IQCH: variants seen among roughly 807,000 people sequenced by gnomAD.
The protein encoded by IQCH is IQ motif containing H, also known as IQ domain-containing protein H.
In IQCH, 98 loss-of-function variants were observed where a neutral mutation model predicts 117.0. The observed-to-expected ratio is 0.84, with a 90% CI of 0.71 to 0.99. The LOEUF (loss-of-function observed/expected upper bound fraction) is 0.99, where lower values mean the gene tolerates loss of function less well. IQCH is among the 50% of genes least tolerant of loss of function. IQCH has a pLI of 0.00. For missense variants in IQCH, 1,102 were observed against 1,243.8 expected, an observed-to-expected ratio of 0.89 and a Z score of 1.72; for synonymous variants, 412 against 448.2, an observed-to-expected ratio of 0.92 and a Z score of 1.02.
In IQCH at chr15:67,372,210, T is replaced by G. The variant is rs779122169; in HGVS notation, c.853T>G (p.Leu285Val). The G allele has an allele frequency of 1.2e-6, 2 of 1,614,108 alleles. No individual in the cohort carries two copies. The highest frequency in any genetic ancestry group is 1.7e-6 in the Non-Finnish European group (2 of 1,179,994). ...CATAGACAATACAGCCCCAGACTTC[T>G]TAGCATTCAAGGAACATTTTAGCTT... ...GVIDNTAPDFLAFKEHFSLAW... is the reference protein window; with the variant it reads ...GVIDNTAPDFVAFKEHFSLAW... Residue 285 changes from leucine (L) to valine (V), a missense_variant, in exon 9 of 21, where the codon TTA becomes GTA. Physicochemically the swap from Leu to Val is conservative, Grantham distance 32. This residue lies in a region of IQCH where 452 missense variants were observed against 449.6 expected (regional missense o/e 1.01). Transcript: ENST00000335894.
chr15:67,402,520 C>G (rs1971704553), intron 14 of IQCH, among the ~76,000 whole-genome samples: 1 of 152,180 alleles, frequency 6.6e-6, no homozygotes, highest in African/African-American at 2.4e-5. Context: ...CAAAGCATTA[C>G]TTTACGAGCA....
Position 67,430,885 on chromosome 15 carries a change from G to GACA in IQCH, c.2505+9311_2505+9313dup, listed in dbSNP as rs1311270230. Among the ~76,000 whole-genome samples the GACA allele has an allele frequency of 6.6e-6, 1 of 152,206 alleles. No individual in the cohort carries two copies. Among genetic ancestry groups the GACA allele is most frequent in the Non-Finnish European group, 1.5e-5 (1 of 68,042 alleles). ...ATGAGTAGCAAGGAAAGGCTTAAGT[G>GACA]ACAACTACGTAGAACAATAAAAGAG... On this transcript the variant is annotated intron_variant, in intron 16 of 20. Transcript: ENST00000335894. The surrounding 1 kb of genome is among the most constrained non-coding windows in gnomAD (Gnocchi z 5.1).
In IQCH at chr15:67,376,262, G is replaced by A. The variant is rs1970735275; in HGVS notation, c.1372+2829G>A. On this transcript the variant is annotated intron_variant, in intron 10 of 20. Coordinates refer to ENST00000335894, the MANE Select transcript of IQCH (RefSeq NM_001031715.3). The surrounding 1 kb of genome is among the most constrained non-coding windows in gnomAD (Gnocchi z 5.0). ...GAGTCCTTAAAGAAGATTTCAGCTA[G>A]ATGCCACAAACTTCTTTGTCTCATG... 6.6e-6 allele frequency among the ~76,000 whole-genome samples: 1 copy of A among 152,168 alleles called. No homozygotes were observed. The highest frequency in any genetic ancestry group is 1.5e-5 in the Non-Finnish European group (1 of 68,020).
chr15:67,331,114 A>G (rs1285886789), intron 4 of IQCH, among the ~76,000 whole-genome samples: 1 of 152,158 alleles, frequency 6.6e-6, no homozygotes, highest in Non-Finnish European at 1.5e-5. Context: ...AAGAAATGAT[A>G]TGGTCACTAT....
chr15:67,448,267 A>C (rs1567197459), intron 16 of IQCH, among the ~76,000 whole-genome samples: 1 of 151,968 alleles, frequency 6.6e-6, no homozygotes, highest in Non-Finnish European at 1.5e-5. Context: ...GTACATGTGC[A>C]CAACATGCAG....
At chr15:67,306,246 C>T (rs956464648) in intron 4 of IQCH, among the ~76,000 whole-genome samples, 2 of 152,000 alleles carry the variant, frequency 1.3e-5, no homozygotes, top group African/African-American at 4.8e-5. Context: ...TGGTTTTAAA[C>T]AGTCATATAA....
At chr15:67,306,555 GA>G (rs1967304874) in intron 4 of IQCH, among the ~76,000 whole-genome samples, 1 of 152,078 alleles carries the variant, frequency 6.6e-6, no homozygotes, top group African/African-American at 2.4e-5. Context: ...TTTGTTCCTA[GA>G]AGCTGGTATC....
intron 3 of IQCH, among the ~76,000 whole-genome samples, chr15:67,276,446 C>T (rs939094462): frequency 6.6e-6 from 1 of 152,182 alleles, no homozygotes; most frequent in East Asian, 1.9e-4. Flanking sequence ...TTCTTTTTGC[C>T]TCATATATCC....
intron 4 of IQCH, among the ~76,000 whole-genome samples, chr15:67,289,161 A>G (rs1305510421): frequency 6.6e-6 from 1 of 152,144 alleles, no homozygotes; most frequent in Non-Finnish European, 1.5e-5. Context: ...CTAAGATTCT[A>G]TAATGTGAAA....
In IQCH at chr15:67,254,834, G is replaced by A. The variant is rs975537183; in HGVS notation, c.-63G>A. On this transcript the variant is annotated 5_prime_UTR_variant, in exon 1 of 21. Coordinates refer to ENST00000335894, the MANE Select transcript of IQCH (RefSeq NM_001031715.3). ...TGTTGCCATGGGGACGAGCGGCTCC[G>A]GCTGAAGGTTTCCGTGCTTGGAAAC... 3 of 1,548,816 alleles carry A rather than the reference G, an allele frequency of 1.9e-6. No homozygotes were observed. Among genetic ancestry groups the A allele is most frequent in the African/African-American group, 2.7e-5 (2 of 73,102 alleles).
Position 67,381,163 on chromosome 15 carries a change from C to G in IQCH, c.1373-3773C>G, listed in dbSNP as rs1970915694. Among the ~76,000 whole-genome samples, 1 of 152,150 alleles carries G rather than the reference C, an allele frequency of 6.6e-6. No individual in the cohort carries two copies. The highest frequency in any genetic ancestry group is 1.5e-5 in the Non-Finnish European group (1 of 68,032). ...TGGTTACTGTGAAAGAAAAGCCAATCCTAGCAGAGCTAGTTTGCTGGATGC... is the reference window on the plus strand; with the variant it reads ...TGGTTACTGTGAAAGAAAAGCCAATGCTAGCAGAGCTAGTTTGCTGGATGC... On this transcript the variant is annotated intron_variant, in intron 10 of 20. Coordinates refer to ENST00000335894, the MANE Select transcript of IQCH (RefSeq NM_001031715.3). This position sits in a 1 kb window ranked among gnomAD's most constrained non-coding sequence, Gnocchi z 5.1.
chr15:67,279,482 T>A lies in IQCH; in HGVS notation c.357T>A (p.Ser119Arg), dbSNP rs780424894. Residue 119 changes from serine (S) to arginine (R), a missense_variant, in exon 4 of 21, where the codon AGT becomes AGA. Ser to Arg is a moderately radical substitution (Grantham distance 110). This residue lies in a region of IQCH where 452 missense variants were observed against 449.6 expected (regional missense o/e 1.01). Transcript: ENST00000335894. ...GTFWQPQRQH[S>R]SSLPVFPRAK... ...TTTGGCAACCCCAAAGACAGCACAGTTCATCTCTGCCTGTCTTTCCAAGAG... is the reference window on the plus strand; with the variant it reads ...TTTGGCAACCCCAAAGACAGCACAGATCATCTCTGCCTGTCTTTCCAAGAG... The A allele has an allele frequency of 6.2e-7, 1 of 1,603,648 alleles. No individual in the cohort carries two copies. The highest frequency in any genetic ancestry group is 8.5e-7 in the Non-Finnish European group (1 of 1,173,264).
intron 1 of IQCH, among the ~76,000 whole-genome samples, chr15:67,256,044 G>T (rs894945589): frequency 6.6e-6 from 1 of 152,054 alleles, no homozygotes; most frequent in African/African-American, 2.4e-5. Context: ...GACCAGCTGG[G>T]TACAAACTTA....
At chr15:67,273,901 T>C (rs949324354) in intron 3 of IQCH, among the ~76,000 whole-genome samples, 5 of 152,236 alleles carry the variant, frequency 3.3e-5, no homozygotes. Flanking sequence ...GGAAAGACTT[T>C]ATCTTAGCAT....
In IQCH at chr15:67,464,146, T is replaced by C. The variant is rs1005474985; in HGVS notation, c.2506-981T>C. 7.2e-5 allele frequency among the ~76,000 whole-genome samples: 11 copies of C among 152,198 alleles called. 1 individual carries two copies. The highest frequency in any genetic ancestry group is 1.0e-4 in the Non-Finnish European group (7 of 68,034). Reference sequence around the variant, plus strand: ...GCCCAGCCTGTCTTCACCTTCTTGATGGCAGGGCCTATGCCTATTTACCTT... The same window carrying C: ...GCCCAGCCTGTCTTCACCTTCTTGACGGCAGGGCCTATGCCTATTTACCTT... On this transcript the variant is annotated intron_variant, in intron 16 of 20. Coordinates refer to ENST00000335894, the MANE Select transcript of IQCH (RefSeq NM_001031715.3).
At chr15:67,320,568 A>G (rs1457920287) in intron 4 of IQCH, among the ~76,000 whole-genome samples, 1 of 152,342 alleles carries the variant, frequency 6.6e-6, no homozygotes, top group South Asian at 2.1e-4. Context: ...AAAAATAGCA[A>G]CAAAGAATCA....
At chr15:67,434,032 C>T (rs1190763462) in intron 16 of IQCH, among the ~76,000 whole-genome samples, 1 of 152,082 alleles carries the variant, frequency 6.6e-6, no homozygotes, top group Non-Finnish European at 1.5e-5. Context: ...GAAATGATTA[C>T]CACAATCAAG....
At chr15:67,495,203 A>AATTACATTTTGATTCAAG (rs2083772767) in intron 20 of IQCH, among the ~76,000 whole-genome samples, 1 of 152,174 alleles carries the variant, frequency 6.6e-6, no homozygotes, top group African/African-American at 2.4e-5. Flanking sequence ...CTAGGGCCTA[A>AATTACATTTTGATTCAAG]CTCCTTTAGT....
In IQCH at chr15:67,443,757, G is replaced by T. The variant is rs932032925; in HGVS notation, c.2506-21370G>T. On this transcript the variant is annotated intron_variant, in intron 16 of 20. Transcript: ENST00000335894. This position sits in a 1 kb window ranked among gnomAD's most constrained non-coding sequence, Gnocchi z 5.0. ...CACTTCATCCTCTAGCCCTAGCTCA[G>T]ATCTGAAGTATAGCACTGATGGCCA... 6.6e-6 allele frequency among the ~76,000 whole-genome samples: 1 copy of T among 152,164 alleles called. No individual in the cohort carries two copies. The highest frequency in any genetic ancestry group is 6.5e-5 in the Admixed American group (1 of 15,274).
Sources: gnomAD v4.1 joint callset for allele counts (sites outside exome capture counted in the v4.1 genomes callset) on GRCh38, gnomAD v4.1.1 for gene constraint, gnomAD v4.1.1 regional missense constraint, Gnocchi (gnomAD v3.1) non-coding constraint, MANE v1.5 for transcripts, NCBI Gene and HGNC (gene_info 2026-07-23, HGNC 2026-07-21) for gene names.